PLXNC1: variants seen among roughly 807,000 people sequenced by gnomAD.
The protein encoded by PLXNC1 is plexin C1.
Under a neutral mutation model 178.2 loss-of-function variants are expected in PLXNC1, and 75 were observed. The observed-to-expected ratio is 0.42, with a 90% confidence interval of 0.35 to 0.51. The LOEUF (loss-of-function observed/expected upper bound fraction) is 0.51. Ranked by LOEUF, PLXNC1 falls within the 20% of genes least tolerant of loss-of-function variation. The pLI is 0.02. For synonymous variants in PLXNC1, 790 were observed against 779.9 expected (o/e 1.01, Z -0.22); for missense variants, 1,503 against 1,984.4 (o/e 0.76, Z 4.61).
At chr12:94,171,451 A>G (rs1961841654) in intron 2 of PLXNC1, among the ~76,000 whole-genome samples, 1 of 152,100 alleles carries the variant, frequency 6.6e-6, no homozygotes, top group Non-Finnish European at 1.5e-5. Context: ...TCCATGACAC[A>G]ATGGGGCAGG....
intron 9 of PLXNC1, among the ~76,000 whole-genome samples, chr12:94,227,773 C>T (rs1239496403): frequency 6.6e-6 from 1 of 152,124 alleles, no homozygotes; most frequent in African/African-American, 2.4e-5. Flanking sequence ...TGGAAATGCC[C>T]GTTATTTTCT....
chr12:94,183,699 T>A (rs1298286998), intron 3 of PLXNC1, among the ~76,000 whole-genome samples: 1 of 152,132 alleles, frequency 6.6e-6, no homozygotes, highest in African/African-American at 2.4e-5. Context: ...ACCCCAGAAC[T>A]CAGGACCCCA....
intron 3 of PLXNC1, among the ~76,000 whole-genome samples, chr12:94,183,104 T>A (rs1962387007): frequency 6.6e-6 from 1 of 152,206 alleles, no homozygotes; most frequent in South Asian, 2.1e-4. Context: ...AATTATATAA[T>A]GGATGTAACA....
chr12:94,164,416 G>A (rs985396151), intron 1 of PLXNC1, among the ~76,000 whole-genome samples: 23 of 141,066 alleles, frequency 1.6e-4, no homozygotes, highest in African/African-American at 4.3e-4. Flanking sequence ...CGATGATGCC[G>A]CAAAAGCTGG....
At chr12:94,163,482 T>C (rs1961469393) in intron 1 of PLXNC1, among the ~76,000 whole-genome samples, 1 of 151,932 alleles carries the variant, frequency 6.6e-6, no homozygotes, top group South Asian at 2.1e-4. Context: ...AAATTAGCCA[T>C]AGGGAGGAGA....
Position 94,204,127 on chromosome 12 carries a change from G to A in PLXNC1, c.1440-5463G>A, listed in dbSNP as rs145579834. Among the ~76,000 whole-genome samples the A allele has an allele frequency of 7.9e-4, 121 of 152,312 alleles. 1 individual carries two copies. The highest frequency in any genetic ancestry group is 2.6e-3 in the African/African-American group (109 of 41,558). On this transcript the variant is annotated intron_variant, in intron 4 of 30. Transcript: ENST00000258526. ...TGTCTTTATAAATTACCCAGTCTGT[G>A]GTATTCTATTATAGCAACACAAAAC...
rs1960895982 is a variant in PLXNC1 at position 94,150,053 on chromosome 12, CGCCGCGGAGAGCGCTGCTGCCGGGGA to C, written c.1062+26_1062+51del. 3.2e-6 allele frequency: 5 copies of C among 1,539,682 alleles called. No individual in the cohort carries two copies. The African/African-American group carries it at 4.2e-5, about 13-fold the overall frequency. On this transcript the variant is annotated intron_variant, in intron 1 of 30. Coordinates refer to ENST00000258526, the MANE Select transcript of PLXNC1 (RefSeq NM_005761.3). ...CACTGCGTAAGTCCTGCCCCCGGGG[CGCCGCGGAGAGCGCTGCTGCCGGGGA>C]GCCGCCGCCGCCGCCGAGGCAGAAC...
intron 21 of PLXNC1, among the ~76,000 whole-genome samples, chr12:94,274,669 T>C (rs549972341): frequency 6.6e-6 from 1 of 152,364 alleles, no homozygotes; most frequent in Admixed American, 6.5e-5. Flanking sequence ...CTGGGTATTA[T>C]GCCATCCCAT....
rs978949260 is a variant in PLXNC1 at position 94,306,215 on chromosome 12, T to C, written c.*930T>C. The C allele has an allele frequency of 6.6e-6, 1 of 151,568 alleles. No homozygotes were observed. The highest frequency in any genetic ancestry group is 2.4e-5 in the African/African-American group (1 of 40,962). The allele number at this position is 151,568 out of a possible 1,614,324, so 9.4% of individuals were successfully genotyped here. A position where few individuals can be genotyped will look rare whatever the true frequency, so the allele number is the denominator to read the frequency against. The stretch of plus-strand genomic sequence containing the variant: ...GGTGAACCCTGTGGTTATGAATACT[T>C]GTGTGTGATTTAAAAAAAAAAAGAT... On this transcript the variant is annotated 3_prime_UTR_variant, in exon 31 of 31. Coordinates refer to ENST00000258526, the MANE Select transcript of PLXNC1 (RefSeq NM_005761.3).
intron 21 of PLXNC1, among the ~76,000 whole-genome samples, 178 bp from the exon 22 acceptor site, chr12:94,279,294 A>C (rs145921477): frequency 0.017 from 2,646 of 152,286 alleles, 28 homozygotes; most frequent in Middle Eastern, 0.034. Context: ...TTTCCCTTCC[A>C]TTATCCCTGA....
chr12:94,149,712 C>T lies in PLXNC1; in HGVS notation c.741C>T (p.Pro247=). ...TCTGGAACGGCAGCATCTACTTCCC[C>T]TACTACCCCTACAACTACACGAGCG... ...AFLWNGSIYF[P]YYPYNYTSGA... Residue 247 remains proline, a synonymous_variant, in exon 1 of 31, where the codon CCC becomes CCT. Transcript: ENST00000258526. The T allele has an allele frequency of 6.2e-7, 1 of 1,612,370 alleles. No individual in the cohort carries two copies. Among genetic ancestry groups the T allele is most frequent in the Non-Finnish European group, 8.5e-7 (1 of 1,179,486 alleles).
Position 94,181,473 on chromosome 12 carries a change from A to G in PLXNC1, c.1231A>G (p.Asn411Asp), listed in dbSNP as rs755744191. 2.1e-5 allele frequency: 33 copies of G among 1,581,474 alleles called. No individual in the cohort carries two copies. Among genetic ancestry groups the G allele is most frequent in the Non-Finnish European group, 2.6e-5 (30 of 1,155,056 alleles). Reference sequence around the variant, plus strand: ...TATTCTTGGTGAGAATTTGACTTCAAATTGTCCAGAGGTTATCTATGAAAT... The same window carrying G: ...TATTCTTGGTGAGAATTTGACTTCAGATTGTCCAGAGGTTATCTATGAAAT... ...KVILGENLTS[N>D]CPEVIYEIKE... The change falls in exon 3 of 31, where the codon AAT becomes GAT. Residue 411 changes from asparagine to aspartate, a missense_variant. Coordinates refer to ENST00000258526, the MANE Select transcript of PLXNC1 (RefSeq NM_005761.3).
chr12:94,264,201 C>T (rs541122262), intron 20 of PLXNC1, among the ~76,000 whole-genome samples: 21 of 152,198 alleles, frequency 1.4e-4, no homozygotes, highest in Middle Eastern at 3.4e-3. Flanking sequence ...GGGAGGATGC[C>T]GTGGAAACAG....
intron 5 of PLXNC1, among the ~76,000 whole-genome samples, chr12:94,210,080 G>T (rs1048493065): frequency 1.4e-5 from 2 of 139,050 alleles, no homozygotes; most frequent in African/African-American, 4.9e-5. Context: ...ATACCTTAAA[G>T]GTGGCTTAAT....
intron 5 of PLXNC1, 117 bp downstream of exon 5, chr12:94,209,821 C>T (rs1368350418): frequency 1.5e-6 from 1 of 654,696 alleles, no homozygotes; most frequent in Non-Finnish European, 2.7e-6. Flanking sequence ...AGTGATAGCA[C>T]TCCATTCATT....
intron 4 of PLXNC1, among the ~76,000 whole-genome samples, chr12:94,192,464 G>T (rs1266196034): frequency 6.6e-6 from 1 of 151,196 alleles, no homozygotes; most frequent in Non-Finnish European, 1.5e-5. Context: ...ATCTAGTAAT[G>T]CTGTATAACA....
At position 94,209,570 on chromosome 12, in the gene PLXNC1, T is replaced by C. The variant is rs768340157; in HGVS notation, c.1440-20T>C. The C allele has an allele frequency of 6.8e-7, 1 of 1,474,178 alleles. No individual in the cohort carries two copies. The highest frequency in any genetic ancestry group is 9.5e-7 in the Non-Finnish European group (1 of 1,052,970). 91.3% of individuals were successfully genotyped at this position (1,474,178 alleles called of 1,614,324 possible). A position where few individuals can be genotyped will look rare whatever the true frequency, so the allele number is the denominator to read the frequency against. On this transcript the variant is annotated intron_variant, in intron 4 of 30. Coordinates refer to ENST00000258526, the MANE Select transcript of PLXNC1 (RefSeq NM_005761.3). ...CTAACACACGTATGGGGTCGCTGTT[T>C]TGTTGCCTCGTTTTTTTAGGTGCAC...
At chr12:94,232,927 A>G (rs997286390) in intron 9 of PLXNC1, among the ~76,000 whole-genome samples, 5 of 152,208 alleles carry the variant, frequency 3.3e-5, no homozygotes, top group African/African-American at 1.2e-4. Flanking sequence ...AGTTTTAACC[A>G]TTACCCTACA....
At chr12:94,228,910 G>C (rs986199797) in intron 9 of PLXNC1, among the ~76,000 whole-genome samples, 11 of 152,094 alleles carry the variant, frequency 7.2e-5, no homozygotes, top group Admixed American at 5.9e-4. Context: ...GTTCTTTTCG[G>C]TATATGCCCA....
Sources: gnomAD v4.1 joint callset for allele counts (sites outside exome capture counted in the v4.1 genomes callset) on GRCh38, gnomAD v4.1.1 for gene constraint, MANE v1.5 for transcripts, NCBI Gene and HGNC (gene_info 2026-07-23, HGNC 2026-07-21) for gene names.